Variants in FNDC3A observed in about 807,000 individuals in gnomAD.
The protein encoded by FNDC3A is fibronectin type III domain containing 3A, also known as fibronectin type-III domain-containing protein 3A.
In FNDC3A, 32 loss-of-function variants were observed where a neutral mutation model predicts 148.9. The observed-to-expected ratio is 0.21, with a 90% CI of 0.16 to 0.29. FNDC3A has a LOEUF of 0.29. FNDC3A is among the 10% of genes least tolerant of loss of function. FNDC3A has a pLI of 1.00. For missense variants in FNDC3A, 1,191 were observed against 1,452.8 expected (o/e 0.82, Z 2.93); for synonymous variants, 472 against 473.6 (o/e 1.00, Z 0.04).
At chr13:49,128,597 C>T (rs1056052697) in intron 4 of FNDC3A, among the ~76,000 whole-genome samples, 1 of 152,130 alleles carries the variant, frequency 6.6e-6, no homozygotes, top group African/African-American at 2.4e-5. Flanking sequence ...CACTCTTCTG[C>T]CCAAAACTTT....
chr13:48,997,659 C>T (rs909469518), intron 1 of FNDC3A, among the ~76,000 whole-genome samples: 1 of 152,044 alleles, frequency 6.6e-6, no homozygotes, highest in Non-Finnish European at 1.5e-5. Flanking sequence ...AGGGTTCTTA[C>T]CAAAAAGCCA....
chr13:49,032,087 T>G (rs1232293155), intron 2 of FNDC3A, among the ~76,000 whole-genome samples: 2 of 152,056 alleles, frequency 1.3e-5, no homozygotes, highest in Non-Finnish European at 2.9e-5. Context: ...AAAACCACAA[T>G]GAGATACTGC....
At chr13:49,112,106 G>A (rs1398264094) in intron 3 of FNDC3A, among the ~76,000 whole-genome samples, 1 of 152,090 alleles carries the variant, frequency 6.6e-6, no homozygotes, top group Non-Finnish European at 1.5e-5. Context: ...TATTCTGATG[G>A]CAAAAGAAAA....
At chr13:49,194,125 G>T (rs547113357) in intron 19 of FNDC3A, among the ~76,000 whole-genome samples, 1 of 152,044 alleles carries the variant, frequency 6.6e-6, no homozygotes, top group Middle Eastern at 3.4e-3. Context: ...GCTGGGCTTG[G>T]TGGTACCCAC....
At chr13:49,049,319 T>G (rs752467604) in intron 2 of FNDC3A, among the ~76,000 whole-genome samples, 10 of 152,204 alleles carry the variant, frequency 6.6e-5, no homozygotes, top group Non-Finnish European at 1.3e-4. Flanking sequence ...GATACTGGCT[T>G]CATAGAATGA....
At position 49,137,078 on chromosome 13, in the gene FNDC3A, T is replaced by TATA. The variant is rs879284966; in HGVS notation, c.760+477_760+478insATA. Among the ~76,000 whole-genome samples the TATA allele has an allele frequency of 7.6e-3, 1,161 of 152,184 alleles. 12 individuals are homozygous for TATA. Among genetic ancestry groups the TATA allele is most frequent in the Non-Finnish European group, 0.012 (825 of 67,992 alleles). ...CTGGGCTCAAGCAGTCCTCCCATCT[T>TATA]GGCCTCTCAAAGTGCTGCAATTATA... On this transcript the variant is annotated intron_variant, in intron 6 of 25. Coordinates refer to ENST00000492622, the MANE Select transcript of FNDC3A (RefSeq NM_001079673.2).
At position 49,158,219 on chromosome 13, in the gene FNDC3A, C is replaced by T. The variant is rs1016103935; in HGVS notation, c.978-9025C>T. On this transcript the variant is annotated intron_variant, in intron 8 of 25. Coordinates refer to ENST00000492622, the MANE Select transcript of FNDC3A (RefSeq NM_001079673.2). ...CCGAGCCAGGTGCAGGATATAATCTCGTGGTGCGCCGTTTTTTAAGCCGGT... is the reference window on the plus strand; with the variant it reads ...CCGAGCCAGGTGCAGGATATAATCTTGTGGTGCGCCGTTTTTTAAGCCGGT... Among the ~76,000 whole-genome samples the T allele has an allele frequency of 3.9e-5, 6 of 152,204 alleles. No homozygotes were observed. The South Asian group carries it at 6.2e-4, about 16-fold the overall frequency.
intron 7 of FNDC3A, among the ~76,000 whole-genome samples, chr13:49,140,464 G>A (rs1352479165): frequency 6.6e-6 from 1 of 152,202 alleles, no homozygotes; most frequent in Non-Finnish European, 1.5e-5. Context: ...GTATCATAAA[G>A]TAATGCTGAT....
intron 2 of FNDC3A, among the ~76,000 whole-genome samples, chr13:49,022,188 C>T (rs556187521): frequency 1.1e-3 from 172 of 152,138 alleles, no homozygotes; most frequent in African/African-American, 3.9e-3. Flanking sequence ...GACCCTTCAT[C>T]GAGAATTGTC....
intron 5 of FNDC3A, among the ~76,000 whole-genome samples, chr13:49,133,100 A>G (rs561784546): frequency 6.6e-5 from 10 of 152,294 alleles, no homozygotes; most frequent in Admixed American, 1.3e-4. Flanking sequence ...TGTATTTGTC[A>G]AACTTATTTC....
intron 2 of FNDC3A, among the ~76,000 whole-genome samples, chr13:49,013,646 GTGTATACATGTATACATGTACATA>G (rs1952419781): frequency 6.6e-6 from 1 of 150,476 alleles, no homozygotes; most frequent in South Asian, 2.1e-4. Flanking sequence ...ACATGTACAT[GTGTATACATGTATACATGTACATA>G]TGTGCCATGC....
intron 2 of FNDC3A, among the ~76,000 whole-genome samples, chr13:49,059,212 ATTAAC>A (rs1162984875): frequency 6.6e-5 from 10 of 152,370 alleles, no homozygotes; most frequent in Non-Finnish European, 1.3e-4. Flanking sequence ...TACAAAAAAA[ATTAAC>A]TTAAATGGAT....
chr13:49,169,009 A>C (rs1289471090), intron 10 of FNDC3A, among the ~76,000 whole-genome samples: 1 of 152,238 alleles, frequency 6.6e-6, no homozygotes, highest in African/African-American at 2.4e-5. Flanking sequence ...GAGATTCACA[A>C]CAGTGATTCT....
intron 1 of FNDC3A, among the ~76,000 whole-genome samples, chr13:48,986,979 G>C (rs994046058): frequency 6.6e-6 from 1 of 152,160 alleles, no homozygotes; most frequent in Non-Finnish European, 1.5e-5. Flanking sequence ...CAAACTTTCT[G>C]TTGTGAATTT....
At chr13:49,199,640 T>C (rs1886334350) in intron 23 of FNDC3A, among the ~76,000 whole-genome samples, 1 of 152,134 alleles carries the variant, frequency 6.6e-6, no homozygotes, top group Admixed American at 6.5e-5. Context: ...AACAATTTTA[T>C]AGTAAATGAT....
chr13:49,087,172 AAGCCAGTT>A, intron 3 of FNDC3A, among the ~76,000 whole-genome samples: 1 of 152,170 alleles, frequency 6.6e-6, no homozygotes, highest in East Asian at 1.9e-4. Context: ...TATAAAATCT[AAGCCAGTT>A]TAGTGAGTGC....
rs879244790 is a variant in FNDC3A, at chr13:49,187,429, T to G, written c.1825+239T>G. 8.1e-6 allele frequency: 9 copies of G among 1,105,466 alleles called. No homozygotes were observed. In the Admixed American group the frequency reaches 1.5e-4, roughly 19 times the overall value. 68.5% of individuals were successfully genotyped at this position (1,105,466 alleles called of 1,614,324 possible). On this transcript the variant is annotated intron_variant, in intron 16 of 25. Coordinates refer to ENST00000492622, the MANE Select transcript of FNDC3A (RefSeq NM_001079673.2). Reference sequence around the variant, plus strand: ...AAGTTTGATCCACTTCCAGAGGCTGTACCTCTTAAAATGCTCTTCATATCT... The same window carrying G: ...AAGTTTGATCCACTTCCAGAGGCTGGACCTCTTAAAATGCTCTTCATATCT...
intron 11 of FNDC3A, 38 bp from the exon 12 acceptor site, chr13:49,174,397 A>G: frequency 6.5e-7 from 1 of 1,547,262 alleles, no homozygotes; most frequent in East Asian, 2.3e-5. Context: ...TTTTTACAGT[A>G]ATGTACATGG....
chr13:49,033,469 TAG>T (rs1874275450), intron 2 of FNDC3A, among the ~76,000 whole-genome samples: 1 of 152,108 alleles, frequency 6.6e-6, no homozygotes, highest in Non-Finnish European at 1.5e-5. Flanking sequence ...GCCACCAGAA[TAG>T]AGTTTGTAAA....
Sources: allele counts gnomAD v4.1 joint callset (sites outside exome capture counted in the v4.1 genomes callset), GRCh38; gene constraint gnomAD v4.1.1; transcripts MANE v1.5; gene names NCBI Gene and HGNC (gene_info 2026-07-23, HGNC 2026-07-21).